The following SDK1 variants were observed in gnomAD, a reference collection of about 807,000 sequenced individuals.
The protein encoded by SDK1 is protein sidekick-1.
In SDK1, 157 loss-of-function variants were observed where a neutral mutation model predicts 245.5. That is an observed-to-expected ratio of 0.64 (90% confidence interval 0.56 to 0.73). SDK1 has a LOEUF of 0.73. SDK1 is among the 30% of genes least tolerant of loss of function. The pLI, the probability that SDK1 is intolerant of heterozygous loss-of-function variation, is 0.00. For synonymous variants in SDK1, 1,647 were observed against 1,278.5 expected (o/e 1.29, Z -6.15); for missense variants, 3,583 against 3,002.3 (o/e 1.19, Z -4.52).
chr7:3,377,113 A>G (rs1487498920), intron 1 of SDK1, among the ~76,000 whole-genome samples: 3 of 152,096 alleles, frequency 2.0e-5, no homozygotes, highest in Non-Finnish European at 4.4e-5. Flanking sequence ...TTTTTCTTTT[A>G]GGATTCTGTT....
intron 4 of SDK1, among the ~76,000 whole-genome samples, chr7:3,807,665 C>A (rs1779285230): frequency 6.6e-6 from 1 of 152,110 alleles, no homozygotes; most frequent in Non-Finnish European, 1.5e-5. Context: ...GATTCCTCTC[C>A]CTGGCATGTT....
At chr7:3,467,050 T>C (rs1203831657) in intron 1 of SDK1, among the ~76,000 whole-genome samples, 2 of 140,450 alleles carry the variant, frequency 1.4e-5, no homozygotes, top group African/African-American at 2.7e-5. Context: ...AACATACACA[T>C]AGAAAGACTT....
At chr7:4,162,756 A>G (rs1280837596) in intron 32 of SDK1, among the ~76,000 whole-genome samples, 1 of 152,198 alleles carries the variant, frequency 6.6e-6, no homozygotes, top group Non-Finnish European at 1.5e-5. Flanking sequence ...ATATTCTTCC[A>G]GATAATCACA....
intron 4 of SDK1, among the ~76,000 whole-genome samples, chr7:3,669,461 C>T (rs147110218): frequency 1.3e-5 from 2 of 152,270 alleles, no homozygotes; most frequent in Non-Finnish European, 2.9e-5. Context: ...CCTTGAACTT[C>T]GCTGGTATTG....
At chr7:3,841,101 G>A (rs987350301) in intron 5 of SDK1, among the ~76,000 whole-genome samples, 3 of 152,146 alleles carry the variant, frequency 2.0e-5, no homozygotes, top group Non-Finnish European at 4.4e-5. Flanking sequence ...AGTGGGTCTC[G>A]AATGTGTGAC....
intron 5 of SDK1, among the ~76,000 whole-genome samples, chr7:3,945,963 TAAAAAAAG>T (rs201735283): frequency 1.3e-5 from 1 of 77,728 alleles, no homozygotes; most frequent in Non-Finnish European, 2.8e-5. Flanking sequence ...TTTCCAAAAT[TAAAAAAAG>T]GAAAATATTG....
chr7:4,243,568 G>A (rs948209141), intron 43 of SDK1, among the ~76,000 whole-genome samples: 1 of 152,242 alleles, frequency 6.6e-6, no homozygotes, highest in Non-Finnish European at 1.5e-5. Flanking sequence ...TTACGTGGTG[G>A]CAGGCAAAGA....
At chr7:3,453,200 C>G (rs1562495101) in intron 1 of SDK1, among the ~76,000 whole-genome samples, 1 of 152,166 alleles carries the variant, frequency 6.6e-6, no homozygotes, top group Non-Finnish European at 1.5e-5. Flanking sequence ...TGAGCAGAGC[C>G]AGTGCCTTGC....
chr7:4,264,591 G>A (rs1255450731), intron 44 of SDK1, among the ~76,000 whole-genome samples: 3 of 140,880 alleles, frequency 2.1e-5, no homozygotes, highest in African/African-American at 5.5e-5. Context: ...TGGGGAGGCC[G>A]CGTGGACCTC....
intron 1 of SDK1, among the ~76,000 whole-genome samples, chr7:3,545,186 C>T (rs1779179002): frequency 6.6e-6 from 1 of 152,106 alleles, no homozygotes; most frequent in Non-Finnish European, 1.5e-5. Context: ...CTTTGCTGGG[C>T]TCATTTCCAT....
chr7:3,368,178 G>T (rs754968499), intron 1 of SDK1, among the ~76,000 whole-genome samples: 1 of 152,106 alleles, frequency 6.6e-6, no homozygotes, highest in Non-Finnish European at 1.5e-5. Context: ...AACCAATAAC[G>T]TGTAAAATTG....
chr7:3,517,964 T>C (rs1583987052), intron 1 of SDK1, among the ~76,000 whole-genome samples: 1 of 152,312 alleles, frequency 6.6e-6, no homozygotes, highest in East Asian at 1.9e-4. Flanking sequence ...TGTGTTTGTT[T>C]TTGTGACTTC....
intron 35 of SDK1, among the ~76,000 whole-genome samples, chr7:4,205,617 G>A (rs1784171505): frequency 6.6e-6 from 1 of 152,206 alleles, no homozygotes; most frequent in Non-Finnish European, 1.5e-5. Context: ...TTTATTGTAT[G>A]CATTTAAGAA....
chr7:3,557,453 A>G (rs1779622466), intron 1 of SDK1, among the ~76,000 whole-genome samples: 1 of 152,214 alleles, frequency 6.6e-6, no homozygotes, highest in Admixed American at 6.5e-5. Flanking sequence ...CTATGGTCAC[A>G]AAAGAGCAAG....
At chr7:3,739,285 C>T (rs1349377439) in intron 4 of SDK1, among the ~76,000 whole-genome samples, 2 of 152,042 alleles carry the variant, frequency 1.3e-5, no homozygotes, top group African/African-American at 4.8e-5. Flanking sequence ...TTGCATTTAT[C>T]CTTCTTAGAG....
chr7:3,618,157 A>C (rs937770667), intron 1 of SDK1, among the ~76,000 whole-genome samples: 2 of 152,074 alleles, frequency 1.3e-5, no homozygotes, highest in African/African-American at 4.8e-5. Flanking sequence ...CATATTAAAA[A>C]ATGTTATTGA....
chr7:3,722,065 A>G (rs1334409734), intron 4 of SDK1, among the ~76,000 whole-genome samples: 2 of 151,686 alleles, frequency 1.3e-5, no homozygotes, highest in Non-Finnish European at 2.9e-5. Context: ...ATTTTTGTAG[A>G]GCCAGGGTTT....
chr7:4,018,105 T>C (rs73298960), intron 17 of SDK1, among the ~76,000 whole-genome samples: 2,306 of 152,360 alleles, frequency 0.015, 65 homozygotes, highest in African/African-American at 0.053. Flanking sequence ...ACAGCCTCAT[T>C]TGTCCTACAG....
intron 1 of SDK1, among the ~76,000 whole-genome samples, chr7:3,480,014 A>G (rs1236861842): frequency 6.6e-6 from 1 of 152,184 alleles, no homozygotes; most frequent in African/African-American, 2.4e-5. Context: ...CCCAAAGTAA[A>G]GATGTCTACA....
Sources: allele counts gnomAD v4.1 joint callset (sites outside exome capture counted in the v4.1 genomes callset), GRCh38; gene constraint gnomAD v4.1.1; transcripts MANE v1.5; gene names NCBI Gene and HGNC (gene_info 2026-07-23, HGNC 2026-07-21).